Variants in JAK3 observed in about 807,000 individuals in gnomAD.
JAK3 encodes the protein Janus kinase 3.
JAK3 carries 88 observed loss-of-function variants against 120.8 expected under a neutral mutation model. That is an observed-to-expected ratio of 0.73 (90% CI 0.61 to 0.87). JAK3 has a LOEUF of 0.87. JAK3 is among the 40% of genes least tolerant of loss of function. The pLI is 0.00. For synonymous variants in JAK3, 592 were observed against 628.6 expected, an observed-to-expected ratio of 0.94 and a Z score of 0.87; for missense variants, 1,254 against 1,501.4, an observed-to-expected ratio of 0.84 and a Z score of 2.72.
intron 10 of JAK3, chr19:17,839,250 G>A (rs777883625): frequency 1.5e-6 from 1 of 666,204 alleles, no homozygotes; most frequent in South Asian, 1.5e-5. Flanking sequence ...CTGAGAGCTG[G>A]AGAGAGACTA....
In JAK3 at chr19:17,831,905, G is replaced by T. The variant is rs1384379985; in HGVS notation, c.2681-107C>A. The T allele has an allele frequency of 1.4e-6, 2 of 1,429,030 alleles. No individual in the cohort carries two copies. Among genetic ancestry groups the T allele is most frequent in the Non-Finnish European group, 1.9e-6 (2 of 1,025,860 alleles). The allele number at this position is 1,429,030 out of a possible 1,614,324, so 88.5% of individuals were successfully genotyped here. Reference sequence around the variant, plus strand: ...TGTCCCTCTCGACCTCAGTTTTGCTGACTGTAATATGGGAACCGCAACAAT... The same window carrying T: ...TGTCCCTCTCGACCTCAGTTTTGCTTACTGTAATATGGGAACCGCAACAAT... On this transcript the variant is annotated intron_variant, in intron 19 of 23. Coordinates refer to ENST00000458235, the MANE Select transcript of JAK3 (RefSeq NM_000215.4). The surrounding 1 kb of genome is among the most constrained non-coding windows in gnomAD (Gnocchi z 5.1).
At position 17,842,365 on chromosome 19, in the gene JAK3, A is replaced by G. The variant is rs2094241795; in HGVS notation, c.812T>C (p.Leu271Pro). Residue 271 changes from leucine to proline, a missense_variant, in exon 6 of 24, where the codon CTC becomes CCC. By Grantham distance (98) the Leu-to-Pro change is moderately conservative. Around this residue, in one of 3 missense-constraint regions of JAK3, gnomAD observed 486 missense variants for 503.0 expected, o/e 0.97. Transcript: ENST00000458235. The surrounding 1 kb of genome is among the most constrained non-coding windows in gnomAD (Gnocchi z 6.4). ...GATGCCGCCGTCACCAGCCACGCGG[A>G]GCAGCCCCAGCCCGTCGTGGCCACC... ...ALGGHDGLGLLRVAGDGGIAW... is the reference protein window; with the variant it reads ...ALGGHDGLGLPRVAGDGGIAW... 1 of 1,589,126 alleles carries G rather than the reference A, an allele frequency of 6.3e-7. No homozygotes were observed. Among genetic ancestry groups the G allele is most frequent in the Non-Finnish European group, 8.5e-7 (1 of 1,172,472 alleles).
At position 17,830,483 on chromosome 19, in the gene JAK3, G is replaced by A. The variant is rs765910786; in HGVS notation, c.3096+20C>T. On this transcript the variant is annotated intron_variant, in intron 22 of 23. Coordinates refer to ENST00000458235, the MANE Select transcript of JAK3 (RefSeq NM_000215.4). Reference sequence around the variant, plus strand: ...GCGTGGAGGGAGAAGAAGGCTGGGGGCTCTGGGAAGCCGACTCACGGCCGA... The same window carrying A: ...GCGTGGAGGGAGAAGAAGGCTGGGGACTCTGGGAAGCCGACTCACGGCCGA... The A allele has an allele frequency of 1.2e-5, 19 of 1,587,406 alleles. 1 individual carries two copies. In the Admixed American group the frequency reaches 2.2e-4, roughly 18 times the overall value.
At position 17,831,380 on chromosome 19, in the gene JAK3, G is replaced by A. The variant is rs2094214225; in HGVS notation, c.2826C>T (p.Ser942=). ...CCAGGTCGCGGTGCACGCAGCGGCG[G>A]GAGCCCAGGTACTCCATGCCCTGCG... ...QICKGMEYLG[S]RRCVHRDLAA... The change falls in exon 21 of 24, where the codon TCC becomes TCT. Residue 942 remains serine (S), a synonymous_variant. Coordinates refer to ENST00000458235, the MANE Select transcript of JAK3 (RefSeq NM_000215.4). The surrounding 1 kb of genome is among the most constrained non-coding windows in gnomAD (Gnocchi z 5.1). 6.2e-7 allele frequency: 1 copy of A among 1,605,876 alleles called. No individual in the cohort carries two copies. Among genetic ancestry groups the A allele is most frequent in the Non-Finnish European group, 8.5e-7 (1 of 1,179,776 alleles).
At chr19:17,827,947 C>T (rs1390298106) in intron 23 of JAK3, among the ~76,000 whole-genome samples, 2 of 151,468 alleles carry the variant, frequency 1.3e-5, no homozygotes, top group Non-Finnish European at 2.9e-5. Context: ...CCCTGATGCC[C>T]TCCTTCGCTC....
In JAK3 at chr19:17,843,814, C is replaced by T; in HGVS notation, c.271G>A (p.Glu91Lys). 6.2e-7 allele frequency: 1 copy of T among 1,613,732 alleles called. No homozygotes were observed. The highest frequency in any genetic ancestry group is 1.3e-5 in the African/African-American group (1 of 74,966). Reference protein sequence around the residue: ...WFPPSHIFSVEDASTQVLLYR... With the variant: ...WFPPSHIFSVKDASTQVLLYR... ...AGCAGGACTTGGGTGCTGGCATCCT[C>T]CACGGAGAAGATGTGGCTCGGGGGG... Residue 91 changes from glutamate to lysine, a missense_variant, in exon 3 of 24, where the codon GAG becomes AAG. Glu to Lys is a moderately conservative substitution (Grantham distance 56). Transcript: ENST00000458235. This position sits in a 1 kb window ranked among gnomAD's most constrained non-coding sequence, Gnocchi z 5.4.
intron 1 of JAK3, among the ~76,000 whole-genome samples, chr19:17,847,145 G>C (rs1400414564): frequency 6.6e-6 from 1 of 152,112 alleles, no homozygotes; most frequent in Non-Finnish European, 1.5e-5. Flanking sequence ...TGATCCGCTG[G>C]CCTCAGCCTC....
Position 17,843,314 on chromosome 19 carries a change from A to G in JAK3, c.420+66T>C, listed in dbSNP as rs998990622. 7.3e-6 allele frequency: 11 copies of G among 1,514,106 alleles called. No homozygotes were observed. Among genetic ancestry groups the G allele is most frequent in the Middle Eastern group, 1.7e-4 (1 of 5,744 alleles). 93.8% of individuals were successfully genotyped at this position (1,514,106 alleles called of 1,614,324 possible). ...GTCAGACGAGGCCCCACCTGATTGC[A>G]TGCCAGTCCTCATGTTGCCCCTTGG... On this transcript the variant is annotated intron_variant, in intron 4 of 23. Coordinates refer to ENST00000458235, the MANE Select transcript of JAK3 (RefSeq NM_000215.4). The surrounding 1 kb of genome is among the most constrained non-coding windows in gnomAD (Gnocchi z 5.4).
chr19:17,847,235 G>A (rs1473653050), intron 1 of JAK3, among the ~76,000 whole-genome samples: 1 of 152,156 alleles, frequency 6.6e-6, no homozygotes, highest in Non-Finnish European at 1.5e-5. Flanking sequence ...TGGCAGTGGC[G>A]CCCCACTGCA....
In JAK3 at chr19:17,826,438, T is replaced by G; in HGVS notation, c.*305A>C. Reference sequence around the variant, plus strand: ...AAAAGAGAGAGACAGAAAAGGAAACTCAGGGGGCCAGGGCTTAAGGGGTTG... The same window carrying G: ...AAAAGAGAGAGACAGAAAAGGAAACGCAGGGGGCCAGGGCTTAAGGGGTTG... On this transcript the variant is annotated 3_prime_UTR_variant, in exon 24 of 24. Coordinates refer to ENST00000458235, the MANE Select transcript of JAK3 (RefSeq NM_000215.4). 1 of 383,198 alleles carries G rather than the reference T, an allele frequency of 2.6e-6. No homozygotes were observed. The highest frequency in any genetic ancestry group is 4.7e-6 in the Non-Finnish European group (1 of 211,054). 23.7% of individuals were successfully genotyped at this position (383,198 alleles called of 1,614,324 possible).
In JAK3 at chr19:17,834,728, G is replaced by A. The variant is rs2147681914; in HGVS notation, c.2200-7C>T. On this transcript the variant is annotated splice_polypyrimidine_tract_variant and splice_region_variant and intron_variant, in intron 16 of 23. Transcript: ENST00000458235. The stretch of plus-strand genomic sequence containing the variant: ...CCTCATAAAATTGGAGTTTCTGAGG[G>A]TGAGAGGAGCAGTCGGTAATCCCCA... The A allele has an allele frequency of 1.2e-6, 2 of 1,614,130 alleles. 1 individual carries two copies. The highest frequency in any genetic ancestry group is 3.3e-4 in the Middle Eastern group (2 of 6,062).
At chr19:17,836,427 C>T (rs577869977) in intron 13 of JAK3, among the ~76,000 whole-genome samples, 6 of 152,252 alleles carry the variant, frequency 3.9e-5, no homozygotes, top group South Asian at 2.1e-4. Context: ...GAACTACAGG[C>T]GCATGCCACC....
At position 17,832,961 on chromosome 19, in the gene JAK3, C is replaced by A. The variant is rs200589386; in HGVS notation, c.2351-32G>T. On this transcript the variant is annotated intron_variant, in intron 17 of 23. Coordinates refer to ENST00000458235, the MANE Select transcript of JAK3 (RefSeq NM_000215.4). This position sits in a 1 kb window ranked among gnomAD's most constrained non-coding sequence, Gnocchi z 4.7. Reference sequence around the variant, plus strand: ...TGGGGGCATGGGCAGTGGTAAGCAGCGCCTCTCATCCTGGGCCCCACTCCT... The same window carrying A: ...TGGGGGCATGGGCAGTGGTAAGCAGAGCCTCTCATCCTGGGCCCCACTCCT... The A allele has an allele frequency of 3.8e-6, 6 of 1,598,038 alleles. No individual in the cohort carries two copies. The Admixed American group carries it at 1.0e-4, about 28-fold the overall frequency.
At chr19:17,840,872 C>T (rs561855895) in intron 8 of JAK3, among the ~76,000 whole-genome samples, 1 of 152,208 alleles carries the variant, frequency 6.6e-6, no homozygotes, top group African/African-American at 2.4e-5. Context: ...GTTGCCCAGG[C>T]TGGAGTGCAA....
chr19:17,829,981 A>G, intron 23 of JAK3, 127 bp downstream of exon 23: 4 of 736,578 alleles, frequency 5.4e-6, no homozygotes, highest in Non-Finnish European at 9.6e-6. Context: ...AGTGGGGGCC[A>G]GGATCCTCAT....
At position 17,836,000 on chromosome 19, in the gene JAK3, C is replaced by T. The variant is rs1257320432; in HGVS notation, c.1838G>A (p.Arg613Gln). The change falls in exon 14 of 24, where the codon CGA (arginine) becomes CAA (glutamine). Residue 613 changes from arginine to glutamine, a missense_variant. Physicochemically the swap from Arg to Gln is conservative, Grantham distance 43. Transcript: ENST00000458235. ...VHLGAIDMYLRKRGHLVPASW... is the reference protein window; with the variant it reads ...VHLGAIDMYLQKRGHLVPASW... Reference sequence around the variant, plus strand: ...GGCTGGCACCAGGTGGCCACGTTTTCGCAGATACATGTCTATGGCCCCCAG... The same window carrying T: ...GGCTGGCACCAGGTGGCCACGTTTTTGCAGATACATGTCTATGGCCCCCAG... 7 of 1,614,126 alleles carry T rather than the reference C, an allele frequency of 4.3e-6. No homozygotes were observed. The highest frequency in any genetic ancestry group is 1.7e-4 in the Middle Eastern group (1 of 6,042).
At chr19:17,829,916 G>T in intron 23 of JAK3, 192 bp downstream of exon 23, 2 of 651,476 alleles carry the variant, frequency 3.1e-6, no homozygotes, top group Non-Finnish European at 5.6e-6. Context: ...TTTGGAAAAG[G>T]GTAAACTGAG....
In JAK3 at chr19:17,835,161, G is replaced by A. The variant is rs1568403015; in HGVS notation, c.1969C>T (p.Arg657Trp). 15 of 1,614,220 alleles carry A rather than the reference G, an allele frequency of 9.3e-6. No individual in the cohort carries two copies. Among genetic ancestry groups the A allele is most frequent in the East Asian group, 2.2e-5 (1 of 44,882 alleles). ...NVSARKVLLA[R>W]EGADGSPPFI... ...GGCGGGCTCCCATCAGCCCCCTCCC[G>A]AGCCAGGAGCACCTTCCGGGCAGAG... The change falls in exon 15 of 24, where the codon CGG (arginine) becomes TGG (tryptophan). Residue 657 changes from arginine (R) to tryptophan (W), a missense_variant. Physicochemically the swap from Arg to Trp is moderately radical, Grantham distance 101. This residue lies in a region of JAK3 where 630 missense variants were observed against 819.8 expected (regional missense o/e 0.77). Transcript: ENST00000458235.
In JAK3 at chr19:17,842,624, A is replaced by C; in HGVS notation, c.567-14T>G. On this transcript the variant is annotated splice_polypyrimidine_tract_variant and intron_variant, in intron 5 of 23. Coordinates refer to ENST00000458235, the MANE Select transcript of JAK3 (RefSeq NM_000215.4). This position sits in a 1 kb window ranked among gnomAD's most constrained non-coding sequence, Gnocchi z 6.4. Reference sequence around the variant, plus strand: ...CAGGCCTTGTAGCTGCAGGGGTTGGAGGGGAGGGAGCCGGCCCTCAGCGTC... The same window carrying C: ...CAGGCCTTGTAGCTGCAGGGGTTGGCGGGGAGGGAGCCGGCCCTCAGCGTC... 1 of 1,551,604 alleles carries C rather than the reference A, an allele frequency of 6.4e-7. No individual in the cohort carries two copies. The highest frequency in any genetic ancestry group is 8.7e-7 in the Non-Finnish European group (1 of 1,145,646).
Sources: gnomAD v4.1 joint callset for allele counts (sites outside exome capture counted in the v4.1 genomes callset) on GRCh38, gnomAD v4.1.1 for gene constraint, gnomAD v4.1.1 regional missense constraint, Gnocchi (gnomAD v3.1) non-coding constraint, MANE v1.5 for transcripts, NCBI Gene and HGNC (gene_info 2026-07-23, HGNC 2026-07-21) for gene names.